Variants in CELF2 observed in about 807,000 individuals in gnomAD.
CELF2 encodes CUG triplet repeat RNA-binding protein 2.
CELF2 carries 8 observed loss-of-function variants against 62.6 expected under a neutral mutation model. The ratio of observed to expected loss-of-function variants is 0.13; its 90% CI spans 0.07 to 0.23. The LOEUF is 0.23. Among genes scored for constraint, CELF2 ranks in the 10% least tolerant of loss-of-function variants. CELF2 has a pLI of 1.00. For missense variants in CELF2, 333 were observed against 671.0 expected, an observed-to-expected ratio of 0.50 and a Z score of 5.56; for synonymous variants, 258 against 250.0, an observed-to-expected ratio of 1.03 and a Z score of -0.30.
intron 1 of CELF2, among the ~76,000 whole-genome samples, chr10:10,872,567 T>A (rs1315034467): frequency 6.6e-6 from 1 of 152,044 alleles, no homozygotes; most frequent in Admixed American, 6.6e-5. Flanking sequence ...GAAAACCAGA[T>A]AAGGGTGACT....
chr10:10,670,084 G>A, the CELF2 span, among the ~76,000 whole-genome samples: 7 of 152,072 alleles, frequency 4.6e-5, no homozygotes, highest in East Asian at 1.4e-3. Flanking sequence ...TGTATTTTTA[G>A]TAGAGACGGG....
the CELF2 span, among the ~76,000 whole-genome samples, chr10:10,582,197 G>A: frequency 0.021 from 3,154 of 152,174 alleles, 43 homozygotes; most frequent in Middle Eastern, 0.027. Flanking sequence ...ATACTGGCCC[G>A]CACTTGTGAA....
intron 1 of CELF2, among the ~76,000 whole-genome samples, chr10:11,135,587 A>T (rs1388177861): frequency 2.6e-5 from 4 of 152,246 alleles, no homozygotes; most frequent in African/African-American, 9.6e-5. Context: ...CTGTCTTCTA[A>T]ATAGCCACCG....
the CELF2 span, among the ~76,000 whole-genome samples, chr10:10,490,438 A>G: frequency 8.2e-3 from 1,245 of 152,270 alleles, 16 homozygotes; most frequent in African/African-American, 0.029. Flanking sequence ...AGCCAAATGC[A>G]CTAAAGGATA....
rs1194566761 is a variant in CELF2 at position 11,220,598 on chromosome 10, C to T, written c.354+3091C>T. Among the ~76,000 whole-genome samples the T allele has an allele frequency of 6.6e-6, 1 of 152,202 alleles. No homozygotes were observed. The highest frequency in any genetic ancestry group is 2.4e-5 in the African/African-American group (1 of 41,442). The stretch of plus-strand genomic sequence containing the variant: ...TTGAAGACACGTTTCTCAAACTTGC[C>T]TCTTACTGGGTAACCAAAGAAGACG... On this transcript the variant is annotated intron_variant, in intron 3 of 12. Transcript: ENST00000633077. The surrounding 1 kb of genome is among the most constrained non-coding windows in gnomAD (Gnocchi z 4.4).
chr10:10,669,154 C>A, the CELF2 span, among the ~76,000 whole-genome samples: 1 of 152,168 alleles, frequency 6.6e-6, no homozygotes, highest in African/African-American at 2.4e-5. Flanking sequence ...AACTGAGATT[C>A]TCAGGTTGAA....
At chr10:10,908,668 AAAAG>A (rs2063551494) in intron 1 of CELF2, among the ~76,000 whole-genome samples, 1 of 152,202 alleles carries the variant, frequency 6.6e-6, no homozygotes, top group African/African-American at 2.4e-5. Flanking sequence ...AACAACAACA[AAAAG>A]ATTCTTTCAA....
chr10:11,285,366 C>A lies in CELF2; in HGVS notation c.842-3052C>A, dbSNP rs907518697. Among the ~76,000 whole-genome samples the A allele has an allele frequency of 1.3e-5, 2 of 152,108 alleles. No individual in the cohort carries two copies. Among genetic ancestry groups the A allele is most frequent in the Non-Finnish European group, 2.9e-5 (2 of 68,024 alleles). ...TGTTAGCTATGCCCCCGTGTGGTGC[C>A]TCAGAGACTCAGCCACTCCCCCTGG... On this transcript the variant is annotated intron_variant, in intron 8 of 12. Coordinates refer to ENST00000633077, the MANE Select transcript of CELF2 (RefSeq NM_001326342.2). The surrounding 1 kb of genome is among the most constrained non-coding windows in gnomAD (Gnocchi z 4.3).
chr10:10,545,498 T>TG, the CELF2 span, among the ~76,000 whole-genome samples: 1 of 152,224 alleles, frequency 6.6e-6, no homozygotes, highest in African/African-American at 2.4e-5. Context: ...ATGACAAAGA[T>TG]GCCCCTTACA....
At position 11,145,792 on chromosome 10, in the gene CELF2, C is replaced by T. The variant is rs118064589; in HGVS notation, c.75-19694C>T. Among the ~76,000 whole-genome samples the T allele has an allele frequency of 5.7e-4, 87 of 152,312 alleles. No homozygotes were observed. The highest frequency in any genetic ancestry group is 1.2e-3 in the Non-Finnish European group (79 of 68,026). On this transcript the variant is annotated intron_variant, in intron 1 of 12. Coordinates refer to ENST00000633077, the MANE Select transcript of CELF2 (RefSeq NM_001326342.2). The surrounding 1 kb of genome is among the most constrained non-coding windows in gnomAD (Gnocchi z 4.3). ...AGTGTCATTACCAGTATTGGTTGCA[C>T]TACTGTAGCGTTCTGGGTGCTGGGG... is the stretch of plus-strand genomic sequence containing the variant.
chr10:10,956,269 C>T (rs1295084299), intron 2 of CELF2, among the ~76,000 whole-genome samples: 12 of 152,192 alleles, frequency 7.9e-5, no homozygotes. Context: ...CTTATGGTAT[C>T]TCTGCTCTAT....
the CELF2 span, among the ~76,000 whole-genome samples, chr10:10,759,412 C>T: frequency 6.8e-6 from 1 of 147,970 alleles, no homozygotes; most frequent in East Asian, 2.0e-4. Flanking sequence ...GGGGTTCAAG[C>T]GATTCTCCTA....
chr10:10,989,868 G>T (rs2053237447), intron 2 of CELF2, among the ~76,000 whole-genome samples: 1 of 151,996 alleles, frequency 6.6e-6, no homozygotes, highest in Non-Finnish European at 1.5e-5. Flanking sequence ...TAAACATTGG[G>T]AGAAATATTT....
chr10:10,895,307 G>A (rs903280486), intron 1 of CELF2, among the ~76,000 whole-genome samples: 2 of 152,160 alleles, frequency 1.3e-5, no homozygotes, highest in Admixed American at 1.3e-4. Flanking sequence ...TACCTTACCT[G>A]AAATTGAGCA....
intron 3 of CELF2, among the ~76,000 whole-genome samples, chr10:11,233,009 GCA>G (rs1225224701): frequency 3.9e-5 from 6 of 152,104 alleles, no homozygotes; most frequent in Non-Finnish European, 7.4e-5. Flanking sequence ...TCTAAACATG[GCA>G]CACTCTGTAA....
At chr10:10,792,072 G>T in the CELF2 span, among the ~76,000 whole-genome samples, 7 of 140,604 alleles carry the variant, frequency 5.0e-5, no homozygotes, top group Admixed American at 1.5e-4. Flanking sequence ...GAGGGAGGAA[G>T]GAGGAAAGGG....
At chr10:11,013,648 G>A (rs568166294), upstream of CELF2, among the ~76,000 whole-genome samples, 1 of 152,248 alleles carries the variant, frequency 6.6e-6, no homozygotes, top group African/African-American at 2.4e-5. The surrounding 1 kb of genome is among the most constrained non-coding windows in gnomAD (Gnocchi z 4.1). Context: ...ACTATTCCCT[G>A]AAAAAATGTA....
chr10:11,091,985 A>G (rs897368362), intron 1 of CELF2, among the ~76,000 whole-genome samples: 21 of 152,230 alleles, frequency 1.4e-4, no homozygotes, highest in African/African-American at 3.9e-4. Context: ...ATACTGATCA[A>G]TATCCTAGAA....
At chr10:10,822,264 G>C (rs11813286) in intron 1 of CELF2, among the ~76,000 whole-genome samples, 1 of 152,176 alleles carries the variant, frequency 6.6e-6, no homozygotes, top group African/African-American at 2.4e-5. Flanking sequence ...TTTAGCTGCT[G>C]TCTGGCTGTT....
Sources: gnomAD v4.1 joint callset for allele counts (sites outside exome capture counted in the v4.1 genomes callset) on GRCh38, gnomAD v4.1.1 for gene constraint, Gnocchi (gnomAD v3.1) non-coding constraint, MANE v1.5 for transcripts, NCBI Gene and HGNC (gene_info 2026-07-23, HGNC 2026-07-21) for gene names.